CSMD1: variants seen among roughly 807,000 people sequenced by gnomAD.
CSMD1 encodes CUB and sushi domain-containing protein 1.
A neutral mutation model predicts 417.5 loss-of-function variants in CSMD1; 213 were observed. That is an observed-to-expected ratio of 0.51 (90% CI 0.46 to 0.57). The LOEUF is 0.57. Among genes scored for constraint, CSMD1 ranks in the 20% least tolerant of loss-of-function variants. The pLI, the probability that CSMD1 is intolerant of heterozygous loss-of-function variation, is 0.00. For synonymous variants in CSMD1, 2,862 were observed against 1,736.8 expected, an observed-to-expected ratio of 1.65 and a Z score of -16.11; for missense variants, 6,923 against 4,529.7, an observed-to-expected ratio of 1.53 and a Z score of -15.17.
intron 49 of CSMD1, among the ~76,000 whole-genome samples, chr8:3,077,601 C>G (rs11782423): frequency 0.41 from 62,945 of 152,074 alleles, 13,144 homozygotes; most frequent in African/African-American, 0.44. Flanking sequence ...CCTGTCTCAG[C>G]TATCTCTACC....
chr8:4,192,174 G>C (rs140325074), intron 3 of CSMD1, among the ~76,000 whole-genome samples: 111 of 152,206 alleles, frequency 7.3e-4, no homozygotes, highest in African/African-American at 2.5e-3. Flanking sequence ...TGTTATAAAG[G>C]CTCAACAGAT....
At chr8:4,235,663 T>C (rs1802001921) in intron 3 of CSMD1, among the ~76,000 whole-genome samples, 1 of 152,224 alleles carries the variant, frequency 6.6e-6, no homozygotes, top group African/African-American at 2.4e-5. Flanking sequence ...CCTTTTAAAA[T>C]GGGTCAGCCT....
At chr8:4,574,599 G>T (rs1009067089) in intron 2 of CSMD1, among the ~76,000 whole-genome samples, 2 of 152,178 alleles carry the variant, frequency 1.3e-5, no homozygotes, top group Non-Finnish European at 2.9e-5. Context: ...ACTGCTTTGT[G>T]TGTCTCAATT....
chr8:4,766,741 G>A (rs570627111), intron 1 of CSMD1, among the ~76,000 whole-genome samples: 1 of 152,324 alleles, frequency 6.6e-6, no homozygotes, highest in South Asian at 2.1e-4. Context: ...ATCCTACGGT[G>A]TTTCTTCACG....
At chr8:4,903,665 G>C (rs7017594) in intron 1 of CSMD1, among the ~76,000 whole-genome samples, 1 of 152,112 alleles carries the variant, frequency 6.6e-6, no homozygotes, top group Non-Finnish European at 1.5e-5. Flanking sequence ...AAGTTATTCA[G>C]GACTAAATGT....
At chr8:3,431,074 G>A (rs1256554680) in intron 12 of CSMD1, among the ~76,000 whole-genome samples, 1 of 152,054 alleles carries the variant, frequency 6.6e-6, no homozygotes, top group Non-Finnish European at 1.5e-5. Flanking sequence ...CAGTTTCCAG[G>A]CTTCCAGACT....
chr8:3,586,085 C>A, intron 9 of CSMD1, 51 bp downstream of exon 9: 1 of 1,569,218 alleles, frequency 6.4e-7, no homozygotes, highest in East Asian at 2.3e-5. Flanking sequence ...ATAAAAATGC[C>A]AACCTTAAAG....
intron 39 of CSMD1, among the ~76,000 whole-genome samples, chr8:3,155,636 G>A (rs1819482230): frequency 1.3e-5 from 2 of 151,076 alleles, no homozygotes; most frequent in Admixed American, 6.6e-5. Context: ...CAAAGTGCTG[G>A]GATTACAGGC....
intron 23 of CSMD1, among the ~76,000 whole-genome samples, chr8:3,329,710 T>C (rs1806771822): frequency 6.6e-6 from 1 of 152,172 alleles, no homozygotes. Flanking sequence ...CGCATGGGCC[T>C]GCAGGACCAG....
intron 69 of CSMD1, among the ~76,000 whole-genome samples, chr8:2,942,101 T>G (rs1251508635): frequency 6.6e-6 from 1 of 152,120 alleles, no homozygotes; most frequent in African/African-American, 2.4e-5. Context: ...AGCATTGCTC[T>G]CACTCATGAG....
chr8:3,082,909 A>G (rs1033687131), intron 49 of CSMD1, among the ~76,000 whole-genome samples: 3 of 152,180 alleles, frequency 2.0e-5, no homozygotes, highest in African/African-American at 4.8e-5. Context: ...TCCCAGCTTT[A>G]TATCGAATGT....
intron 21 of CSMD1, among the ~76,000 whole-genome samples, chr8:3,354,001 G>C (rs1162592759): frequency 6.6e-6 from 1 of 152,164 alleles, no homozygotes; most frequent in Non-Finnish European, 1.5e-5. Context: ...AGACAGAGTG[G>C]CCTCAACAAC....
At position 4,884,260 on chromosome 8, in the gene CSMD1, T is replaced by G. The variant is rs540210270; in HGVS notation, c.85+110072A>C. ...ACCTATGTTTATATATACATGTTATTTTTTCTAGTTACAAGTATCTTACCA... is the reference window on the plus strand; with the variant it reads ...ACCTATGTTTATATATACATGTTATGTTTTCTAGTTACAAGTATCTTACCA... On this transcript the variant is annotated intron_variant, in intron 1 of 69. Transcript: ENST00000635120. Among the ~76,000 whole-genome samples, 76 of 151,986 alleles carry G rather than the reference T, an allele frequency of 5.0e-4. 1 individual carries two copies. The highest frequency in any genetic ancestry group is 1.0e-3 in the Non-Finnish European group (69 of 67,956).
intron 6 of CSMD1, among the ~76,000 whole-genome samples, chr8:3,737,381 C>T (rs1156477144): frequency 6.6e-6 from 1 of 152,170 alleles, no homozygotes; most frequent in Non-Finnish European, 1.5e-5. Context: ...CTTCATTGTG[C>T]AATCTTTATT....
At chr8:4,938,381 G>C (rs183048093) in intron 1 of CSMD1, among the ~76,000 whole-genome samples, 1 of 152,292 alleles carries the variant, frequency 6.6e-6, no homozygotes, top group East Asian at 1.9e-4. Flanking sequence ...CTGTCCTATA[G>C]TTATTACAAA....
At chr8:2,939,512 A>T (rs1175121810) in intron 69 of CSMD1, among the ~76,000 whole-genome samples, 1 of 152,250 alleles carries the variant, frequency 6.6e-6, no homozygotes. Context: ...GAAAAGACAG[A>T]ATCATGTCTG....
intron 1 of CSMD1, among the ~76,000 whole-genome samples, chr8:4,657,159 C>T (rs150718180): frequency 5.1e-4 from 77 of 152,272 alleles, no homozygotes; most frequent in African/African-American, 1.7e-3. Context: ...CAGAAACTCA[C>T]ACATATGCCC....
chr8:4,011,017 C>A (rs1816497093), intron 4 of CSMD1, among the ~76,000 whole-genome samples: 1 of 152,174 alleles, frequency 6.6e-6, no homozygotes, highest in South Asian at 2.1e-4. Context: ...TGTTTCATGC[C>A]TTCTTCCTTC....
intron 3 of CSMD1, among the ~76,000 whole-genome samples, chr8:4,100,994 G>A (rs559766485): frequency 1.8e-4 from 28 of 152,250 alleles, no homozygotes; most frequent in African/African-American, 6.0e-4. Flanking sequence ...TCTGAACTGC[G>A]TAGTCCTAGA....
Sources: allele counts gnomAD v4.1 joint callset (sites outside exome capture counted in the v4.1 genomes callset), GRCh38; gene constraint gnomAD v4.1.1; transcripts MANE v1.5; gene names NCBI Gene and HGNC (gene_info 2026-07-23, HGNC 2026-07-21).